ZDHHC11: variants seen among roughly 807,000 people sequenced by gnomAD.
The protein encoded by ZDHHC11 is zDHHC palmitoyltransferase 11, also known as palmitoyltransferase ZDHHC11.
Under a neutral mutation model 51.3 loss-of-function variants are expected in ZDHHC11, and 44 were observed. The observed-to-expected ratio is 0.86, with a 90% CI of 0.67 to 1.10. The LOEUF (loss-of-function observed/expected upper bound fraction) is 1.10. Among genes scored for constraint, ZDHHC11 ranks in the 50% least tolerant of loss-of-function variants. ZDHHC11 has a pLI of 0.00. For synonymous variants in ZDHHC11, 163 were observed against 222.0 expected, an observed-to-expected ratio of 0.73 and a Z score of 2.36; for missense variants, 400 against 537.7, an observed-to-expected ratio of 0.74 and a Z score of 2.53.
intron 8 of ZDHHC11, chr5:824,053 G>T (rs1418039445): frequency 2.2e-6 from 1 of 454,964 alleles, no homozygotes; most frequent in Non-Finnish European, 4.4e-6. Flanking sequence ...AGTCACAGGA[G>T]CCTGTTCCCT....
chr5:810,954 T>G (rs1740018239), intron 11 of ZDHHC11, among the ~76,000 whole-genome samples: 1 of 151,330 alleles, frequency 6.6e-6, no homozygotes, highest in Admixed American at 6.6e-5. Context: ...AAATGATAAT[T>G]TCATTTAGAA....
At chr5:815,844 C>A (rs1227339417) in intron 10 of ZDHHC11, among the ~76,000 whole-genome samples, 1 of 151,502 alleles carries the variant, frequency 6.6e-6, no homozygotes, top group African/African-American at 2.4e-5. Flanking sequence ...AGCCTCCAAC[C>A]ATCCTTCTGC....
At chr5:821,630 C>T (rs910313789) in intron 9 of ZDHHC11, among the ~76,000 whole-genome samples, 5 of 139,182 alleles carry the variant, frequency 3.6e-5, no homozygotes, top group African/African-American at 1.5e-4. Context: ...CACCAAGGAG[C>T]GTACCAGGAA....
chr5:801,692 G>A (rs1738446532), intron 11 of ZDHHC11, among the ~76,000 whole-genome samples: 1 of 151,406 alleles, frequency 6.6e-6, no homozygotes, highest in Non-Finnish European at 1.5e-5. Flanking sequence ...GGCAGTAGAA[G>A]TGACCGTGTT....
rs1741302334 is a variant in ZDHHC11 at position 819,603 on chromosome 5, GGCCTTGGCTC to G, written c.1059-1_1067del. ...GCCTGCAAATCAGCCGGGAGTTCCT[GGCCTTGGCTC>G]TGGTGGGGCAAACAGAAGGAAAGAA... On this transcript the variant is annotated splice_acceptor_variant and coding_sequence_variant, in exon 10 of 13. Transcript: ENST00000283441. LOFTEE classifies it high-confidence loss of function. 3.1e-6 allele frequency: 5 copies of G among 1,609,266 alleles called. No homozygotes were observed. In the Admixed American group the frequency reaches 8.3e-5, roughly 27 times the overall value.
chr5:834,318 G>A (rs1230970786), intron 6 of ZDHHC11, among the ~76,000 whole-genome samples: 1 of 152,296 alleles, frequency 6.6e-6, no homozygotes, highest in African/African-American at 2.4e-5. Context: ...TAAGGAGTTT[G>A]TTCAAATCTT....
At chr5:855,679 A>G (rs1480639873), upstream of ZDHHC11, among the ~76,000 whole-genome samples, 11 of 141,782 alleles carry the variant, frequency 7.8e-5, no homozygotes, top group African/African-American at 3.0e-4. Flanking sequence ...GGGGGGACAG[A>G]CCCCACGGAG....
Position 815,732 on chromosome 5 carries a change from G to A in ZDHHC11, c.1147-937C>T, listed in dbSNP as rs184425844. Among the ~76,000 whole-genome samples the A allele has an allele frequency of 1.3e-4, 19 of 151,626 alleles. 1 individual carries two copies. Among genetic ancestry groups the A allele is most frequent in the South Asian group, 4.2e-4 (2 of 4,792 alleles). On this transcript the variant is annotated intron_variant, in intron 10 of 12. Transcript: ENST00000283441. ...TTTCATCCCCATCAGCAATGGATGAGACTTCCAATTCTCCCACATATTCAC... is the reference window on the plus strand; with the variant it reads ...TTTCATCCCCATCAGCAATGGATGAAACTTCCAATTCTCCCACATATTCAC...
chr5:850,594 G>C lies in ZDHHC11; in HGVS notation c.9C>G (p.Thr3=), dbSNP rs150542911. The C allele has an allele frequency of 5.0e-6, 8 of 1,613,306 alleles. No homozygotes were observed. The highest frequency in any genetic ancestry group is 6.8e-6 in the Non-Finnish European group (8 of 1,179,970). Residue 3 remains threonine (T), a synonymous_variant, in exon 1 of 13, where the codon ACC becomes ACG. Coordinates refer to ENST00000283441, the MANE Select transcript of ZDHHC11 (RefSeq NM_024786.3). The stretch of plus-strand genomic sequence containing the variant: ...TGACGGAACACTGGCTCCCGGAGCG[G>C]GTGTCCATCTGCAGGACACAGAAGG... MD[T]RSGSQCSVTP...
At chr5:798,550 G>A (rs1178407475) in intron 12 of ZDHHC11, among the ~76,000 whole-genome samples, 7 of 149,998 alleles carry the variant, frequency 4.7e-5, no homozygotes, top group Non-Finnish European at 7.4e-5. Flanking sequence ...TTATGCCATC[G>A]GTCTGTATTC....
chr5:816,276 T>C, intron 10 of ZDHHC11: 1 of 251,558 alleles, frequency 4.0e-6, no homozygotes, highest in South Asian at 4.6e-5. Flanking sequence ...TTTTGGGATC[T>C]ATCAAAGAAG....
rs900071401 is a variant in ZDHHC11 at position 850,438 on chromosome 5, G to A, written c.165C>T (p.Ala55=). The change falls in exon 1 of 13, where the codon GCC becomes GCT. Residue 55 remains alanine, a synonymous_variant. Coordinates refer to ENST00000283441, the MANE Select transcript of ZDHHC11 (RefSeq NM_024786.3). ...TWAVFVGLSS[A]TFGIFIPFLP... ...GGAAGGGAATGAAGATCCCGAAGGT[G>A]GCCGAGGAAAGGCCCACGAAGACAG... is the stretch of plus-strand genomic sequence containing the variant. 6.2e-7 allele frequency: 1 copy of A among 1,613,540 alleles called. No individual in the cohort carries two copies. Among genetic ancestry groups the A allele is most frequent in the Non-Finnish European group, 8.5e-7 (1 of 1,180,026 alleles).
intron 1 of ZDHHC11, among the ~76,000 whole-genome samples, chr5:857,462 A>G (rs1748413154): frequency 6.6e-6 from 1 of 151,940 alleles, no homozygotes; most frequent in Non-Finnish European, 1.5e-5. Context: ...TCCTGTTTCC[A>G]TCTGTGTATA....
In ZDHHC11 at chr5:841,372, G is replaced by A. The variant is rs1410535305; in HGVS notation, c.629-722C>T. 3.3e-6 allele frequency: 3 copies of A among 914,050 alleles called. No homozygotes were observed. The African/African-American group carries it at 8.2e-5, about 25-fold the overall frequency. 56.6% of individuals were successfully genotyped at this position (914,050 alleles called of 1,614,324 possible). On this transcript the variant is annotated intron_variant, in intron 4 of 12. Transcript: ENST00000283441. ...AGTGCCCACCCCTTCCTCACTAAGT[G>A]CCAGGGTCACAGTGCCCACCCCTTC...
chr5:850,750 C>A lies in ZDHHC11; in HGVS notation c.-148G>T, dbSNP rs1747081747. On this transcript the variant is annotated 5_prime_UTR_variant, in exon 1 of 13. Transcript: ENST00000283441. Reference sequence around the variant, plus strand: ...GCCCAGCACTGCCTGGGGCCACGTTCCCCGCAGAGGGAGCAGGGGCTGGGC... The same window carrying A: ...GCCCAGCACTGCCTGGGGCCACGTTACCCGCAGAGGGAGCAGGGGCTGGGC... The A allele has an allele frequency of 2.1e-6, 2 of 964,950 alleles. No individual in the cohort carries two copies. Among genetic ancestry groups the A allele is most frequent in the Non-Finnish European group, 3.0e-6 (2 of 659,156 alleles). The allele number at this position is 964,950 out of a possible 1,614,324, so 59.8% of individuals were successfully genotyped here. A position where few individuals can be genotyped will look rare whatever the true frequency, so the allele number is the denominator to read the frequency against.
At chr5:843,867 C>CACAAA (rs1470495643) in intron 3 of ZDHHC11, 143 bp from the exon 4 acceptor site, 3 of 213,668 alleles carry the variant, frequency 1.4e-5, no homozygotes, top group East Asian at 2.6e-4. Context: ...CAGGGGCATG[C>CACAAA]GGGGCATGTG....
chr5:824,092 C>A, intron 8 of ZDHHC11: 1 of 454,864 alleles, frequency 2.2e-6, no homozygotes. Context: ...GGTGAGGTGG[C>A]CCTGCCCCCA....
At chr5:804,222 T>G (rs546820840) in intron 11 of ZDHHC11, among the ~76,000 whole-genome samples, 2 of 151,090 alleles carry the variant, frequency 1.3e-5, no homozygotes, top group African/African-American at 4.9e-5. Flanking sequence ...CTCAGTAGCA[T>G]GATGAAATAT....
chr5:820,866 CT>C (rs1741473937), intron 9 of ZDHHC11, among the ~76,000 whole-genome samples: 1 of 151,306 alleles, frequency 6.6e-6, no homozygotes, highest in Non-Finnish European at 1.5e-5. Context: ...AAATAAGGTT[CT>C]GTAATTTAAA....
Sources: gnomAD v4.1 joint callset for allele counts (sites outside exome capture counted in the v4.1 genomes callset) on GRCh38, gnomAD v4.1.1 for gene constraint, MANE v1.5 for transcripts, NCBI Gene and HGNC (gene_info 2026-07-23, HGNC 2026-07-21) for gene names.